MYB: variants seen among roughly 807,000 people sequenced by gnomAD.
The protein encoded by MYB is MYB proto-oncogene, transcription factor.
MYB carries 28 observed loss-of-function variants against 92.9 expected under a neutral mutation model. The ratio of observed to expected loss-of-function variants is 0.30; its 90% CI spans 0.22 to 0.41. MYB has a LOEUF of 0.41. MYB is among the 10% of genes least tolerant of loss of function. The pLI, the probability that MYB is intolerant of heterozygous loss-of-function variation, is 1.00. For missense variants in MYB, 679 were observed against 929.3 expected (o/e 0.73, Z 3.50); for synonymous variants, 295 against 329.1 (o/e 0.90, Z 1.12).
Position 135,203,224 on chromosome 6 carries a change from T to C in MYB, c.2069T>C (p.Leu690Pro). Reference sequence around the variant, plus strand: ...TTATTCTCTTCCCTTTAGAATATTCTTACAAGCTCCGTTTTAATGGCACCA... The same window carrying C: ...TTATTCTCTTCCCTTTAGAATATTCCTACAAGCTCCGTTTTAATGGCACCA... ...TSPVADAPNI[L>P]TSSVLMAPAS... Residue 690 changes from leucine (L) to proline (P), a missense_variant, in exon 15 of 16, where the codon CTT (leucine) becomes CCT (proline). Around this residue, in one of 8 missense-constraint regions of MYB, gnomAD observed 402 missense variants for 434.2 expected, o/e 0.93. Transcript: ENST00000341911. 6.3e-7 allele frequency: 1 copy of C among 1,595,246 alleles called. No homozygotes were observed. Among genetic ancestry groups the C allele is most frequent in the Non-Finnish European group, 8.6e-7 (1 of 1,165,194 alleles).
rs1448598848 is a variant in MYB, at chr6:135,217,956, C to A, written c.2262C>A (p.Phe754Leu). The A allele has an allele frequency of 6.2e-7, 1 of 1,611,032 alleles. No individual in the cohort carries two copies. The highest frequency in any genetic ancestry group is 1.3e-5 in the African/African-American group (1 of 74,952). The change falls in exon 16 of 16, where the codon TTC becomes TTA. Residue 754 changes from phenylalanine (F) to leucine (L), a missense_variant. Phe to Leu is a conservative substitution (Grantham distance 22). Around this residue, in one of 8 missense-constraint regions of MYB, gnomAD observed 402 missense variants for 434.2 expected, o/e 0.93. Coordinates refer to ENST00000341911, the MANE Select transcript of MYB (RefSeq NM_001130173.2). ...SSQARKYVNA[F>L]SARTLVM is the part of the protein sequence containing the mutation. Reference sequence around the variant, plus strand: ...AAGCTCGTAAATACGTGAATGCATTCTCAGCCCGGACGCTGGTCATGTGAG... The same window carrying A: ...AAGCTCGTAAATACGTGAATGCATTATCAGCCCGGACGCTGGTCATGTGAG...
chr6:135,218,627 C>T lies in MYB; in HGVS notation c.*647C>T, dbSNP rs1463959766. ...AATTTTGTAAATGCCAAATGAAAAA[C>T]GTTTTTTGCTGCTATGGTCTTAGCC... is the stretch of plus-strand genomic sequence containing the variant. On this transcript the variant is annotated 3_prime_UTR_variant, in exon 16 of 16. Transcript: ENST00000341911. 3.7e-5 allele frequency: 7 copies of T among 186,724 alleles called. No individual in the cohort carries two copies. The highest frequency in any genetic ancestry group is 2.0e-4 in the South Asian group (1 of 5,090). The allele number at this position is 186,724 out of a possible 1,614,324, so 11.6% of individuals were successfully genotyped here.
intron 6 of MYB, 101 bp from the exon 7 acceptor site, chr6:135,193,737 T>C: frequency 4.1e-6 from 3 of 726,876 alleles, no homozygotes; most frequent in Non-Finnish European, 7.0e-6. Flanking sequence ...AGTAAAGTGT[T>C]TTTTTTCTCT....
At chr6:135,192,710 G>A in intron 6 of MYB, 152 bp downstream of exon 6, 2 of 712,394 alleles carry the variant, frequency 2.8e-6, no homozygotes, top group South Asian at 1.8e-5. Flanking sequence ...TAGATAGGGT[G>A]TAGGTATGGT....
intron 15 of MYB, among the ~76,000 whole-genome samples, chr6:135,215,358 T>C (rs210941): frequency 0.57 from 86,316 of 151,986 alleles, 25,564 homozygotes; most frequent in African/African-American, 0.76. Flanking sequence ...TTTTATTGTT[T>C]CTGATAAGAA....
Position 135,200,093 on chromosome 6 carries a change from C to A in MYB, c.1718C>A (p.Thr573Asn). 6.2e-7 allele frequency: 1 copy of A among 1,613,430 alleles called. No individual in the cohort carries two copies. Among genetic ancestry groups the A allele is most frequent in the Non-Finnish European group, 8.5e-7 (1 of 1,179,412 alleles). The part of the protein sequence containing the change: ...KTQKENTVFR[T>N]PAIKRSILES... ...TTGTTTTCTTTTTAAAGTTTTAGAA[C>A]CCCAGCTATCAAAAGGTCAATCTTA... The change falls in exon 12 of 16, where the codon ACC becomes AAC. Residue 573 changes from threonine to asparagine, a missense_variant. This residue lies in a region of MYB where 402 missense variants were observed against 434.2 expected (regional missense o/e 0.93). Coordinates refer to ENST00000341911, the MANE Select transcript of MYB (RefSeq NM_001130173.2).
At chr6:135,199,484 G>T in intron 11 of MYB, 2 of 643,438 alleles carry the variant, frequency 3.1e-6, no homozygotes, top group Non-Finnish European at 4.1e-6. Context: ...TTTTTAGTTT[G>T]TATTTTTTAA....
intron 8 of MYB, 181 bp downstream of exon 8, chr6:135,194,641 G>A (rs1178450460): frequency 1.8e-6 from 1 of 564,518 alleles, no homozygotes. Flanking sequence ...TGATTAAATT[G>A]GAAGCAGTCT....
At position 135,190,569 on chromosome 6, in the gene MYB, G is replaced by T. The variant is rs1288762614; in HGVS notation, c.527+222G>T. Among the ~76,000 whole-genome samples, 1 of 152,166 alleles carries T rather than the reference G, an allele frequency of 6.6e-6. No homozygotes were observed. The highest frequency in any genetic ancestry group is 1.9e-4 in the East Asian group (1 of 5,198). The stretch of plus-strand genomic sequence containing the variant: ...AGTGAGCCCTGGGTGAAGACATTTA[G>T]CTTTCCCCAGCCTCAATTTCCCCAT... On this transcript the variant is annotated intron_variant, in intron 5 of 15. Transcript: ENST00000341911. This position sits in a 1 kb window ranked among gnomAD's most constrained non-coding sequence, Gnocchi z 4.5.
chr6:135,196,667 A>T (rs752235421), intron 9 of MYB: 23 of 1,116,094 alleles, frequency 2.1e-5, no homozygotes, highest in Middle Eastern at 2.1e-4. Flanking sequence ...TTAGGAGATG[A>T]CCATTGCCGT....
intron 15 of MYB, among the ~76,000 whole-genome samples, chr6:135,204,150 G>T (rs1562388237): frequency 6.6e-6 from 1 of 152,132 alleles, no homozygotes; most frequent in Admixed American, 6.5e-5. Context: ...TAAGTTAAAT[G>T]GCACGATCAT....
intron 2 of MYB, among the ~76,000 whole-genome samples, chr6:135,186,656 T>C: frequency 6.6e-6 from 1 of 152,232 alleles, no homozygotes. Flanking sequence ...ATCCTTGATA[T>C]ACTTAACAGA....
intron 9 of MYB, among the ~76,000 whole-genome samples, 189 bp downstream of exon 9, chr6:135,196,191 A>G (rs55930211): frequency 2.4e-3 from 368 of 152,336 alleles, no homozygotes; most frequent in South Asian, 8.5e-3. Flanking sequence ...CGAGAGAGAC[A>G]AAAGTATTTA....
At chr6:135,183,811 T>G (rs997744708) in intron 1 of MYB, among the ~76,000 whole-genome samples, 9 of 152,198 alleles carry the variant, frequency 5.9e-5, no homozygotes, top group African/African-American at 1.9e-4. Flanking sequence ...GTGCTTAGCT[T>G]TTAAGAGGCA....
chr6:135,186,353 C>A (rs889796951), intron 2 of MYB, among the ~76,000 whole-genome samples: 1 of 152,204 alleles, frequency 6.6e-6, no homozygotes, highest in Non-Finnish European at 1.5e-5. Context: ...TCCCTGGCTT[C>A]GCCGGACAGG....
At chr6:135,200,250 G>A in intron 12 of MYB, 40 bp from the exon 13 acceptor site, 1 of 1,613,846 alleles carries the variant, frequency 6.2e-7, no homozygotes, top group East Asian at 2.2e-5. Flanking sequence ...GTCCCATTAG[G>A]AGTTCTCTCT....
Position 135,197,311 on chromosome 6 carries a change from C to T in MYB, c.1554C>T (p.Phe518=). The T allele has an allele frequency of 6.2e-7, 1 of 1,609,638 alleles. No homozygotes were observed. Among genetic ancestry groups the T allele is most frequent in the South Asian group, 1.1e-5 (1 of 90,656 alleles). ...GTTCCCCTGTCAAAAGCCTACCCTTCTCTCCCTCGCAGGTAGAACACAATT... is the reference window on the plus strand; with the variant it reads ...GTTCCCCTGTCAAAAGCCTACCCTTTTCTCCCTCGCAGGTAGAACACAATT... The part of the protein sequence containing the change: ...PKRSPVKSLP[F]SPSQFLNTSS... Residue 518 remains phenylalanine (F), a synonymous_variant, in exon 10 of 16, where the codon TTC becomes TTT. Transcript: ENST00000341911.
intron 1 of MYB, among the ~76,000 whole-genome samples, chr6:135,185,496 G>T (rs1775794950): frequency 6.6e-6 from 1 of 152,274 alleles, no homozygotes; most frequent in East Asian, 1.9e-4. Context: ...TTATTTAAAC[G>T]ATGTGACAGA....
chr6:135,196,759 A>C (rs781533103), intron 9 of MYB: 1 of 1,527,314 alleles, frequency 6.5e-7, no homozygotes, highest in African/African-American at 1.4e-5. Flanking sequence ...GCAGCACATC[A>C]GAGGGCCAGC....
Sources: allele counts gnomAD v4.1 joint callset (sites outside exome capture counted in the v4.1 genomes callset), GRCh38; gene constraint gnomAD v4.1.1; regional missense constraint gnomAD v4.1.1; non-coding constraint Gnocchi (gnomAD v3.1); transcripts MANE v1.5; gene names NCBI Gene and HGNC (gene_info 2026-07-23, HGNC 2026-07-21).